The following FGFR3 variants were observed in gnomAD, a reference collection of about 807,000 sequenced individuals.
The protein encoded by FGFR3 is FGFR-3.
FGFR3 carries 25 observed loss-of-function variants against 82.9 expected under a neutral mutation model. The ratio of observed to expected loss-of-function variants is 0.30; its 90% confidence interval spans 0.22 to 0.42. The LOEUF (loss-of-function observed/expected upper bound fraction) is 0.42. Among genes scored for constraint, FGFR3 ranks in the 10% least tolerant of loss-of-function variants. The pLI, the probability that FGFR3 is intolerant of heterozygous loss-of-function variation, is 1.00. For synonymous variants in FGFR3, 620 were observed against 516.0 expected (o/e 1.20, Z -2.73); for missense variants, 1,026 against 1,161.0 (o/e 0.88, Z 1.69).
In FGFR3 at chr4:1,805,778, G is replaced by C. The variant is rs557734169; in HGVS notation, c.1674G>C (p.Ala558=). 9 of 1,612,478 alleles carry C rather than the reference G, an allele frequency of 5.6e-6. No homozygotes were observed. Among genetic ancestry groups the C allele is most frequent in the Admixed American group, 3.3e-5 (2 of 59,976 alleles). ...GGPLYVLVEY[A]AKGNLREFLR... is the part of the protein sequence containing the mutation. ...CCCTGTACGTGCTGGTGGAGTACGCGGCCAAGGGTAACCTGCGGGAGTTTC... is the reference window on the plus strand; with the variant it reads ...CCCTGTACGTGCTGGTGGAGTACGCCGCCAAGGGTAACCTGCGGGAGTTTC... Residue 558 remains alanine (A), a synonymous_variant, in exon 13 of 18, where the codon GCG becomes GCC. Coordinates refer to ENST00000440486, the MANE Select transcript of FGFR3 (RefSeq NM_000142.5).
chr4:1,795,959 C>A (rs556856975), intron 2 of FGFR3, among the ~76,000 whole-genome samples: 2 of 152,178 alleles, frequency 1.3e-5, no homozygotes, highest in African/African-American at 4.8e-5. Flanking sequence ...CCCCTTGTTA[C>A]CCACCCCCCA....
intron 2 of FGFR3, 80 bp from the exon 3 acceptor site, chr4:1,799,174 G>T: frequency 1.3e-6 from 2 of 1,599,082 alleles, no homozygotes; most frequent in Non-Finnish European, 8.5e-7. Context: ...ACTCAGGGCC[G>T]CCGAGGCTTC....
intron 4 of FGFR3, 48 bp downstream of exon 4, chr4:1,799,860 C>T (rs1720987015): frequency 2.5e-6 from 4 of 1,594,364 alleles, no homozygotes; most frequent in Middle Eastern, 1.7e-4. Flanking sequence ...GGGCCCGCTG[C>T]CACCGCCAAG....
chr4:1,805,057 G>A (rs1191477546), intron 10 of FGFR3, 88 bp downstream of exon 10: 1 of 1,462,166 alleles, frequency 6.8e-7, no homozygotes, highest in Non-Finnish European at 9.1e-7. Context: ...GCTGGGTTTA[G>A]GGGCCGTCAG....
chr4:1,806,508 G>C lies in FGFR3; in HGVS notation c.2031-38G>C, dbSNP rs559179924. The C allele has an allele frequency of 3.1e-6, 5 of 1,612,640 alleles. No homozygotes were observed. In the East Asian group the frequency reaches 1.1e-4, roughly 36 times the overall value. On this transcript the variant is annotated intron_variant, in intron 15 of 17. Coordinates refer to ENST00000440486, the MANE Select transcript of FGFR3 (RefSeq NM_000142.5). ...GGTGCCCGCCCAGGTGTCTGTCCTG[G>C]GAGTCTCAGGACAGCCTGACCTCAC...
chr4:1,806,702 C>A lies in FGFR3; in HGVS notation c.2168+19C>A, dbSNP rs1471321570. On this transcript the variant is annotated intron_variant, in intron 16 of 17. Coordinates refer to ENST00000440486, the MANE Select transcript of FGFR3 (RefSeq NM_000142.5). ...ACGACCTGTGAGTGGCATCCCTGGCCCTCCACTGGGTCCTCAGGGGTGGGG... is the reference window on the plus strand; with the variant it reads ...ACGACCTGTGAGTGGCATCCCTGGCACTCCACTGGGTCCTCAGGGGTGGGG... The A allele has an allele frequency of 6.2e-7, 1 of 1,611,448 alleles. No individual in the cohort carries two copies.
At chr4:1,802,979 C>A (rs555252952) in intron 7 of FGFR3, 1 of 1,594,640 alleles carries the variant, frequency 6.3e-7, no homozygotes, top group South Asian at 1.1e-5. Context: ...CGGAGCGGGA[C>A]GGGGGCGAGT....
chr4:1,801,848 C>T lies in FGFR3; in HGVS notation c.753C>T (p.His251=), dbSNP rs377554120. ...YTLDVLERSP[H]RPILQAGLPA... ...CTGCCCCCACAGAGCGCTCCCCGCA[C>T]CGGCCCATCCTGCAGGCGGGGCTGC... Residue 251 remains histidine, a synonymous_variant, in exon 7 of 18, where the codon CAC becomes CAT. Transcript: ENST00000440486. The T allele has an allele frequency of 6.2e-7, 1 of 1,607,728 alleles. No homozygotes were observed. The highest frequency in any genetic ancestry group is 8.5e-7 in the Non-Finnish European group (1 of 1,176,536).
intron 10 of FGFR3, 31 bp from the exon 11 acceptor site, chr4:1,805,324 A>G (rs1209451019): frequency 1.9e-6 from 3 of 1,608,446 alleles, no homozygotes; most frequent in African/African-American, 2.7e-5. Context: ...GCGAGTTTGC[A>G]CACTCATGGT....
rs1722186031 is a variant in FGFR3 at position 1,807,983 on chromosome 4, ATGGCCCTGGGC to A, written c.*722_*732del. 1 of 242,938 alleles carries A rather than the reference ATGGCCCTGGGC, an allele frequency of 4.1e-6. No homozygotes were observed. Among genetic ancestry groups the A allele is most frequent in the Non-Finnish European group, 8.1e-6 (1 of 124,022 alleles). The allele number at this position is 242,938 out of a possible 1,614,324, so 15.0% of individuals were successfully genotyped here. ...GACCCTGGGGGCACAGGAGGCAGGC[ATGGCCCTGGGC>A]GGGGCGTGGGGGGGCGTGGAGGGAG... On this transcript the variant is annotated 3_prime_UTR_variant, in exon 18 of 18. Coordinates refer to ENST00000440486, the MANE Select transcript of FGFR3 (RefSeq NM_000142.5).
chr4:1,794,502 A>G (rs1720232743), intron 2 of FGFR3, among the ~76,000 whole-genome samples: 1 of 152,172 alleles, frequency 6.6e-6, no homozygotes. Flanking sequence ...GCGTCAGCGA[A>G]GCCCGGCCCC....
At position 1,804,472 on chromosome 4, in the gene FGFR3, G is replaced by C. The variant is rs187314275; in HGVS notation, c.1218G>C (p.Leu406=). ...TGCGCAGCCCCCCCAAGAAAGGCCT[G>C]GGCTCCCCCACCGTGCACAAGATCT... ...CRLRSPPKKG[L]GSPTVHKISR... Residue 406 remains leucine, a synonymous_variant, in exon 9 of 18, where the codon CTG becomes CTC. Transcript: ENST00000440486. 4.9e-5 allele frequency: 79 copies of C among 1,613,170 alleles called. 1 individual carries two copies. In the East Asian group the frequency reaches 1.7e-3, roughly 35 times the overall value.
At chr4:1,803,530 C>T (rs1023775246) in intron 7 of FGFR3, among the ~76,000 whole-genome samples, 162 bp from the exon 8 acceptor site, 1 of 152,260 alleles carries the variant, frequency 6.6e-6, no homozygotes, top group African/African-American at 2.4e-5. Flanking sequence ...GTGTACCAGG[C>T]GGAGGGCCCT....
In FGFR3 at chr4:1,802,016, C is replaced by G. The variant is rs148518372; in HGVS notation, c.921C>G (p.Thr307=). The change falls in exon 7 of 18, where the codon ACC becomes ACG. Residue 307 remains threonine (T), a synonymous_variant. Coordinates refer to ENST00000440486, the MANE Select transcript of FGFR3 (RefSeq NM_000142.5). Reference sequence around the variant, plus strand: ...GCCCGGACGGCACACCCTACGTTACCGTGCTCAAGGTGGGCCACCGTGTGC... The same window carrying G: ...GCCCGGACGGCACACCCTACGTTACGGTGCTCAAGGTGGGCCACCGTGTGC... The part of the protein sequence containing the change: ...KVGPDGTPYV[T]VLKTAGANTT... The G allele has an allele frequency of 5.0e-6, 8 of 1,611,740 alleles. No individual in the cohort carries two copies. In the African/African-American group the frequency reaches 1.1e-4, roughly 22 times the overall value.
rs4865476 is a variant in FGFR3 at position 1,805,107 on chromosome 4, G to C, written c.1412+138G>C. ...TTGGGTGTGGCTGGGGTTCTGTGGA[G>C]ATGCTCCTGGGACGGGTGTATGGCA... On this transcript the variant is annotated intron_variant, in intron 10 of 17. Coordinates refer to ENST00000440486, the MANE Select transcript of FGFR3 (RefSeq NM_000142.5). 0.99 allele frequency: 1,337,716 copies of C among 1,346,902 alleles called. 664,813 individuals are homozygous for C. The highest frequency in any genetic ancestry group is 1 in the Non-Finnish European group (1,007,668 of 1,007,798). The allele number at this position is 1,346,902 out of a possible 1,614,324, so 83.4% of individuals were successfully genotyped here.
intron 3 of FGFR3, 75 bp downstream of exon 3, chr4:1,799,598 G>A (rs1270501718): frequency 6.5e-7 from 1 of 1,548,752 alleles, no homozygotes; most frequent in Non-Finnish European, 8.7e-7. Context: ...TGGGTCAGGA[G>A]CGGCTGGGGG....
rs755108044 is a variant in FGFR3 at position 1,802,044 on chromosome 4, G to A, written c.930+19G>A. On this transcript the variant is annotated intron_variant, in intron 7 of 17. Transcript: ENST00000440486. Reference sequence around the variant, plus strand: ...GCTCAAGGTGGGCCACCGTGTGCACGTGGGTGCCGCCGCTGGGGCTCCTGG... The same window carrying A: ...GCTCAAGGTGGGCCACCGTGTGCACATGGGTGCCGCCGCTGGGGCTCCTGG... The A allele has an allele frequency of 3.1e-5, 49 of 1,605,064 alleles. No individual in the cohort carries two copies. The highest frequency in any genetic ancestry group is 8.0e-5 in the African/African-American group (6 of 74,740).
At chr4:1,800,298 G>A (rs1389433975) in intron 4 of FGFR3, among the ~76,000 whole-genome samples, 6 of 152,064 alleles carry the variant, frequency 3.9e-5, no homozygotes, top group Non-Finnish European at 5.9e-5. Context: ...AGAGCAGTCG[G>A]GGACGATGCC....
chr4:1,795,298 A>AT (rs937247576), intron 2 of FGFR3, among the ~76,000 whole-genome samples: 52 of 151,770 alleles, frequency 3.4e-4, no homozygotes, highest in Non-Finnish European at 6.6e-4. Context: ...AGATAAAGAT[A>AT]TTACTCCCTA....
Sources: gnomAD v4.1 joint callset for allele counts (sites outside exome capture counted in the v4.1 genomes callset) on GRCh38, gnomAD v4.1.1 for gene constraint, MANE v1.5 for transcripts, NCBI Gene and HGNC (gene_info 2026-07-23, HGNC 2026-07-21) for gene names.